Variants in SUGCT observed in about 807,000 individuals in gnomAD.
SUGCT encodes succinyl-CoA:glutarate-CoA transferase.
In SUGCT, 41 loss-of-function variants were observed where a neutral mutation model predicts 55.0. The observed-to-expected ratio is 0.74, with a 90% CI of 0.58 to 0.97. The LOEUF is 0.97. Ranked by LOEUF, SUGCT falls within the 50% of genes least tolerant of loss-of-function variation. The pLI, the probability that SUGCT is intolerant of heterozygous loss-of-function variation, is 0.00. For synonymous variants in SUGCT, 187 were observed against 200.4 expected (o/e 0.93, Z 0.56); for missense variants, 568 against 547.8 (o/e 1.04, Z -0.37).
At chr7:40,244,162 G>A (rs1268298026) in intron 7 of SUGCT, among the ~76,000 whole-genome samples, 1 of 152,204 alleles carries the variant, frequency 6.6e-6, no homozygotes, top group African/African-American at 2.4e-5. Flanking sequence ...GACTGAGCGA[G>A]ACTCTGTCTC....
At chr7:40,248,364 A>G (rs954437890) in intron 7 of SUGCT, among the ~76,000 whole-genome samples, 5 of 151,776 alleles carry the variant, frequency 3.3e-5, no homozygotes, top group African/African-American at 9.7e-5. Flanking sequence ...TTTGCATTGT[A>G]TTTTATTTTA....
chr7:40,743,130 CT>C (rs1283035022), intron 12 of SUGCT, among the ~76,000 whole-genome samples: 2 of 152,106 alleles, frequency 1.3e-5, no homozygotes, highest in African/African-American at 4.8e-5. Context: ...TCTGGAGTGT[CT>C]TAAAATATGT....
chr7:40,195,676 T>C (rs1327853439), intron 6 of SUGCT, among the ~76,000 whole-genome samples: 3 of 151,744 alleles, frequency 2.0e-5, no homozygotes, highest in Non-Finnish European at 4.4e-5. Flanking sequence ...TTATTAACTC[T>C]TGCATAGGTG....
chr7:40,274,585 A>G lies in SUGCT; in HGVS notation c.649A>G (p.Met217Val). The stretch of plus-strand genomic sequence containing the variant: ...TGGCCTGTATGCATATGGAGCTATT[A>G]TGGCTGGATTGATACAAAAATACAA... ...ATGLYAYGAIMAGLIQKYKTG... is the reference protein window; with the variant it reads ...ATGLYAYGAIVAGLIQKYKTG... Residue 217 changes from methionine to valine, a missense_variant, in exon 8 of 14, where the codon ATG (methionine) becomes GTG (valine). Met to Val is a conservative substitution (Grantham distance 21, BLOSUM62 1). Transcript: ENST00000335693. 1 of 1,613,788 alleles carries G rather than the reference A, an allele frequency of 6.2e-7. No individual in the cohort carries two copies. The highest frequency in any genetic ancestry group is 8.5e-7 in the Non-Finnish European group (1 of 1,179,760).
At chr7:40,333,491 G>C (rs1034954223) in intron 9 of SUGCT, among the ~76,000 whole-genome samples, 1 of 150,510 alleles carries the variant, frequency 6.6e-6, no homozygotes, top group South Asian at 2.1e-4. Flanking sequence ...ATGAAAATTA[G>C]CCCAGTGTGG....
At chr7:40,653,764 G>T (rs1213030580) in intron 12 of SUGCT, among the ~76,000 whole-genome samples, 1 of 152,130 alleles carries the variant, frequency 6.6e-6, no homozygotes, top group Non-Finnish European at 1.5e-5. Flanking sequence ...AAAACATTTT[G>T]ACTTGGTTCA....
chr7:40,322,028 G>C (rs1177054405), intron 9 of SUGCT, among the ~76,000 whole-genome samples: 2 of 152,066 alleles, frequency 1.3e-5, no homozygotes, highest in Non-Finnish European at 2.9e-5. Context: ...CATAGAAGTT[G>C]TACTAATTTA....
chr7:40,815,432 C>T (rs1275402049), intron 13 of SUGCT, among the ~76,000 whole-genome samples: 2 of 152,098 alleles, frequency 1.3e-5, no homozygotes, highest in Non-Finnish European at 2.9e-5. Flanking sequence ...TAGAGAGGGC[C>T]CCTTGCACCC....
At chr7:40,822,627 T>G (rs1792083062) in intron 13 of SUGCT, among the ~76,000 whole-genome samples, 1 of 152,074 alleles carries the variant, frequency 6.6e-6, no homozygotes, top group Admixed American at 6.6e-5. Flanking sequence ...GAAAGAGAAA[T>G]TGCATATGTA....
At chr7:40,544,497 T>G (rs1794886642) in intron 12 of SUGCT, among the ~76,000 whole-genome samples, 1 of 152,232 alleles carries the variant, frequency 6.6e-6, no homozygotes. Context: ...GGTGACAAGT[T>G]CCACATTAAA....
chr7:40,435,815 C>T (rs1788141891), intron 9 of SUGCT, among the ~76,000 whole-genome samples: 1 of 152,072 alleles, frequency 6.6e-6, no homozygotes, highest in African/African-American at 2.4e-5. Context: ...TGGGATCCTG[C>T]AGCCTGTGAC....
the SUGCT span, among the ~76,000 whole-genome samples, chr7:40,956,572 T>C: frequency 6.6e-5 from 10 of 152,198 alleles, no homozygotes; most frequent in Non-Finnish European, 1.0e-4. Flanking sequence ...AAAAACGAGC[T>C]CCTGAATTCA....
At chr7:40,818,406 C>G (rs1361996004) in intron 13 of SUGCT, among the ~76,000 whole-genome samples, 1 of 152,194 alleles carries the variant, frequency 6.6e-6, no homozygotes, top group Non-Finnish European at 1.5e-5. Context: ...TGCCTCACCC[C>G]CCTGGGGCCC....
At chr7:40,439,102 ATATATATATG>A in intron 9 of SUGCT, among the ~76,000 whole-genome samples, 1 of 131,294 alleles carries the variant, frequency 7.6e-6, no homozygotes. Flanking sequence ...ATATATATAT[ATATATATATG>A]GATAGAGAGA....
intron 13 of SUGCT, among the ~76,000 whole-genome samples, chr7:40,771,403 A>C (rs1051224736): frequency 1.3e-5 from 2 of 152,178 alleles, no homozygotes; most frequent in African/African-American, 2.4e-5. Flanking sequence ...ATCAAGTAAC[A>C]CAATATACAA....
chr7:40,577,929 C>T (rs544051980), intron 12 of SUGCT, among the ~76,000 whole-genome samples: 1 of 152,296 alleles, frequency 6.6e-6, no homozygotes, highest in East Asian at 1.9e-4. Flanking sequence ...AAAATCAAGA[C>T]TTTAATATTC....
intron 9 of SUGCT, among the ~76,000 whole-genome samples, chr7:40,435,077 A>G (rs532203082): frequency 1.3e-4 from 20 of 152,276 alleles, no homozygotes; most frequent in South Asian, 6.2e-4. Context: ...CAGGAACCCA[A>G]ATTTGGATGG....
At chr7:41,001,140 C>T in the SUGCT span, among the ~76,000 whole-genome samples, 1 of 152,082 alleles carries the variant, frequency 6.6e-6, no homozygotes, top group Non-Finnish European at 1.5e-5. Flanking sequence ...TGATATTTAA[C>T]ATGATGAGTC....
At chr7:40,684,051 A>G (rs1353171456) in intron 12 of SUGCT, 2 of 1,612,436 alleles carry the variant, frequency 1.2e-6, no homozygotes, top group Non-Finnish European at 8.5e-7. Flanking sequence ...GCTGGTTGTC[A>G]ATAGAACGCT....
Sources: allele counts gnomAD v4.1 joint callset (sites outside exome capture counted in the v4.1 genomes callset), GRCh38; gene constraint gnomAD v4.1.1; transcripts MANE v1.5; gene names NCBI Gene and HGNC (gene_info 2026-07-23, HGNC 2026-07-21).